The following PPP1R12A variants were observed in gnomAD, a reference collection of about 807,000 sequenced individuals.
PPP1R12A encodes the protein protein phosphatase 1 regulatory subunit 12A, also known as myosin binding subunit.
A neutral mutation model predicts 139.6 loss-of-function variants in PPP1R12A; 19 were observed. The ratio of observed to expected loss-of-function variants is 0.14; its 90% CI spans 0.09 to 0.20. The LOEUF (loss-of-function observed/expected upper bound fraction) is 0.20. Ranked by LOEUF, PPP1R12A falls within the 10% of genes least tolerant of loss-of-function variation. The pLI is 1.00. For synonymous variants in PPP1R12A, 427 were observed against 420.6 expected (o/e 1.02, Z -0.19); for missense variants, 925 against 1,211.5 (o/e 0.76, Z 3.51).
chr12:79,876,967 T>C (rs1883167954), intron 1 of PPP1R12A, among the ~76,000 whole-genome samples: 1 of 151,886 alleles, frequency 6.6e-6, no homozygotes, highest in African/African-American at 2.4e-5. Flanking sequence ...GCCGAGATCA[T>C]GCCACTGCAC....
At chr12:79,916,337 A>G (rs896296088) in intron 1 of PPP1R12A, among the ~76,000 whole-genome samples, 2 of 150,790 alleles carry the variant, frequency 1.3e-5, no homozygotes, top group African/African-American at 4.9e-5. Flanking sequence ...TATGGGCTTC[A>G]ACATTCCTAA....
chr12:79,893,028 T>C (rs1474065452), intron 1 of PPP1R12A, among the ~76,000 whole-genome samples: 12 of 150,990 alleles, frequency 7.9e-5, no homozygotes, highest in Admixed American at 7.9e-4. Flanking sequence ...TGCTTGAACC[T>C]GGGAGGTGGA....
chr12:79,797,119 T>A, intron 16 of PPP1R12A, 76 bp downstream of exon 16: 1 of 1,385,348 alleles, frequency 7.2e-7, no homozygotes, highest in Non-Finnish European at 9.7e-7. Flanking sequence ...TGTTGGTATA[T>A]AAATCTCTTG....
intron 2 of PPP1R12A, among the ~76,000 whole-genome samples, chr12:79,864,756 T>A (rs761082467): frequency 1.5e-4 from 23 of 152,048 alleles, no homozygotes; most frequent in Non-Finnish European, 3.2e-4. Flanking sequence ...CATACACCCT[T>A]CCAAGATTAA....
chr12:79,895,179 G>T (rs946915199), intron 1 of PPP1R12A, among the ~76,000 whole-genome samples: 5 of 152,076 alleles, frequency 3.3e-5, no homozygotes, highest in African/African-American at 1.2e-4. Context: ...AATGTAGAGG[G>T]CTAGCCCATA....
chr12:79,910,802 T>C (rs1031358082), intron 1 of PPP1R12A, among the ~76,000 whole-genome samples: 4 of 152,170 alleles, frequency 2.6e-5, no homozygotes, highest in African/African-American at 7.2e-5. Context: ...AAATACAGAA[T>C]ATAGCTAGTG....
chr12:79,817,688 C>A (rs1037744381), intron 8 of PPP1R12A, among the ~76,000 whole-genome samples, 170 bp from the exon 9 acceptor site: 6 of 152,070 alleles, frequency 3.9e-5, no homozygotes, highest in African/African-American at 1.2e-4. Flanking sequence ...CTAGACTTGT[C>A]TCTATATATA....
intron 1 of PPP1R12A, among the ~76,000 whole-genome samples, chr12:79,934,344 C>T (rs889110457): frequency 1.3e-5 from 2 of 152,146 alleles, no homozygotes; most frequent in African/African-American, 4.8e-5. Context: ...CCACTGACAC[C>T]GGGGCCCAGG....
chr12:79,908,463 T>C (rs1886303995), intron 1 of PPP1R12A, among the ~76,000 whole-genome samples: 1 of 152,226 alleles, frequency 6.6e-6, no homozygotes, highest in African/African-American at 2.4e-5. Flanking sequence ...TTTATCTCCC[T>C]GTCATCCACA....
At chr12:79,927,958 G>A (rs1410389326) in intron 1 of PPP1R12A, among the ~76,000 whole-genome samples, 1 of 152,104 alleles carries the variant, frequency 6.6e-6, no homozygotes, top group Non-Finnish European at 1.5e-5. Context: ...TTTTTTGCAG[G>A]CAGAGGCAAT....
chr12:79,817,636 C>A, intron 8 of PPP1R12A, 118 bp from the exon 9 acceptor site: 2 of 960,770 alleles, frequency 2.1e-6, no homozygotes, highest in Non-Finnish European at 1.5e-6. Flanking sequence ...AAGTCTTTCC[C>A]CACTGTGATT....
At chr12:79,802,839 T>C (rs1873360905) in intron 14 of PPP1R12A, among the ~76,000 whole-genome samples, 1 of 152,198 alleles carries the variant, frequency 6.6e-6, no homozygotes, top group Non-Finnish European at 1.5e-5. Context: ...TTTCATGAGC[T>C]GCTCTGAAAC....
intron 11 of PPP1R12A, among the ~76,000 whole-genome samples, chr12:79,808,049 AT>A (rs1190546386): frequency 1.3e-5 from 2 of 151,672 alleles, no homozygotes; most frequent in Non-Finnish European, 2.9e-5. Context: ...AAAAATAAAA[AT>A]AAAAATAAAA....
intron 1 of PPP1R12A, among the ~76,000 whole-genome samples, chr12:79,922,198 C>G (rs1887491112): frequency 6.6e-6 from 1 of 152,116 alleles, no homozygotes; most frequent in Non-Finnish European, 1.5e-5. Context: ...GCAGTCGAAG[C>G]TGCAGTGAGC....
intron 1 of PPP1R12A, among the ~76,000 whole-genome samples, chr12:79,875,840 C>T (rs1322034792): frequency 6.6e-6 from 1 of 152,174 alleles, no homozygotes; most frequent in Non-Finnish European, 1.5e-5. Context: ...TTAAAAGAGG[C>T]TTAAACACCA....
chr12:79,840,706 G>A (rs1300285957), intron 3 of PPP1R12A, among the ~76,000 whole-genome samples: 2 of 152,088 alleles, frequency 1.3e-5, no homozygotes, highest in Non-Finnish European at 1.5e-5. Flanking sequence ...CATTTCAAAT[G>A]TAACAGGTTT....
At chr12:79,806,805 G>T in intron 12 of PPP1R12A, 1 of 161,040 alleles carries the variant, frequency 6.2e-6, no homozygotes, top group Non-Finnish European at 1.3e-5. Context: ...TGTTTATAGG[G>T]CTTTTTTTTC....
chr12:79,932,229 T>C (rs549920879), intron 1 of PPP1R12A, among the ~76,000 whole-genome samples: 15 of 152,222 alleles, frequency 9.9e-5, no homozygotes, highest in Non-Finnish European at 1.6e-4. Context: ...TACAATTAAG[T>C]ATGGAAAACA....
intron 3 of PPP1R12A, among the ~76,000 whole-genome samples, chr12:79,836,747 GCTTT>G (rs1479833936): frequency 6.6e-6 from 1 of 152,142 alleles, no homozygotes; most frequent in Non-Finnish European, 1.5e-5. Context: ...TAGGAGACTT[GCTTT>G]CTAAGTTCAG....
Sources: allele counts gnomAD v4.1 joint callset (sites outside exome capture counted in the v4.1 genomes callset), GRCh38; gene constraint gnomAD v4.1.1; transcripts MANE v1.5; gene names NCBI Gene and HGNC (gene_info 2026-07-23, HGNC 2026-07-21).